The following COP1 variants were observed in gnomAD, a reference collection of about 807,000 sequenced individuals.
COP1 encodes the protein COP1 E3 ubiquitin ligase, also known as E3 ubiquitin-protein ligase COP1.
COP1 carries 24 observed loss-of-function variants against 101.3 expected under a neutral mutation model. The observed-to-expected ratio is 0.24, with a 90% confidence interval of 0.17 to 0.33. The LOEUF (loss-of-function observed/expected upper bound fraction) is 0.33, where lower values mean the gene tolerates loss of function less well. Among genes scored for constraint, COP1 ranks in the 10% least tolerant of loss-of-function variants. The probability of loss-of-function intolerance (pLI) is 1.00; values close to 1 mark genes in which losing one functional copy is unlikely to be tolerated. For missense variants in COP1, 663 were observed against 906.2 expected, an observed-to-expected ratio of 0.73 and a Z score of 3.45; for synonymous variants, 347 against 341.9, an observed-to-expected ratio of 1.01 and a Z score of -0.17.
intron 9 of COP1, among the ~76,000 whole-genome samples, chr1:176,091,096 A>G (rs1368561148): frequency 2.0e-5 from 3 of 152,186 alleles, no homozygotes; most frequent in African/African-American, 7.2e-5. Context: ...ATAATCTTAA[A>G]AAAGTTGAGA....
chr1:176,057,494 C>T (rs1456486343), intron 11 of COP1, among the ~76,000 whole-genome samples: 1 of 152,198 alleles, frequency 6.6e-6, no homozygotes, highest in Non-Finnish European at 1.5e-5. Flanking sequence ...GCCGCCACGC[C>T]TGATTGGTTT....
intron 10 of COP1, among the ~76,000 whole-genome samples, chr1:176,081,673 T>C (rs1679188736): frequency 6.6e-6 from 1 of 152,254 alleles, no homozygotes; most frequent in East Asian, 1.9e-4. Context: ...ACGTGTTTAC[T>C]GGCACACATA....
rs1424736946 is a variant in COP1, at chr1:175,989,481, TA to T, written c.1730-3del. The T allele has an allele frequency of 6.8e-7, 1 of 1,466,898 alleles. No individual in the cohort carries two copies. The highest frequency in any genetic ancestry group is 9.5e-7 in the Non-Finnish European group (1 of 1,048,566). The allele number at this position is 1,466,898 out of a possible 1,614,324, so 90.9% of individuals were successfully genotyped here. ...GATCATAGTAGTGGACACAGTGATC[TA>T]AAACAAAACAAAATTAGATAAATGT... On this transcript the variant is annotated splice_region_variant and splice_polypyrimidine_tract_variant and intron_variant, in intron 15 of 19. Transcript: ENST00000367669.
intron 9 of COP1, among the ~76,000 whole-genome samples, chr1:176,092,828 G>T (rs1341288103): frequency 6.6e-6 from 1 of 152,102 alleles, no homozygotes; most frequent in Admixed American, 6.6e-5. Flanking sequence ...CATACCCAAT[G>T]CCCTTTAATT....
intron 3 of COP1, among the ~76,000 whole-genome samples, chr1:176,165,816 T>C (rs1164943249): frequency 1.3e-5 from 2 of 152,174 alleles, no homozygotes; most frequent in African/African-American, 2.4e-5. Flanking sequence ...CAGAGCCAGA[T>C]TGTGAAGGGC....
intron 11 of COP1, among the ~76,000 whole-genome samples, chr1:176,062,447 C>T (rs1344904551): frequency 2.6e-5 from 4 of 151,848 alleles, no homozygotes; most frequent in Admixed American, 2.6e-4. Flanking sequence ...CATTACATAC[C>T]CATTAATAAA....
chr1:176,021,684 G>C (rs949228775), intron 15 of COP1, among the ~76,000 whole-genome samples: 3 of 152,120 alleles, frequency 2.0e-5, no homozygotes, highest in African/African-American at 7.2e-5. Flanking sequence ...GGAAAGAACT[G>C]AAAAGGCCTA....
At chr1:176,060,367 T>C (rs979753847) in intron 11 of COP1, among the ~76,000 whole-genome samples, 5 of 152,178 alleles carry the variant, frequency 3.3e-5, no homozygotes, top group African/African-American at 9.6e-5. Flanking sequence ...CTTTTGTTCA[T>C]TCAGAACAAC....
intron 3 of COP1, among the ~76,000 whole-genome samples, chr1:176,165,420 G>A (rs1572631914): frequency 1.4e-5 from 2 of 145,234 alleles, no homozygotes; most frequent in East Asian, 2.1e-4. Context: ...GAGATACAAC[G>A]ATTTAAAATC....
chr1:176,158,630 C>CTTTTTTTTTTTT (rs35518162), intron 5 of COP1, among the ~76,000 whole-genome samples: 7 of 79,312 alleles, frequency 8.8e-5, no homozygotes, highest in Non-Finnish European at 1.1e-4. Context: ...TTTTAAGGTT[C>CTTTTTTTTTTTT]TTTTTTTTTT....
At position 176,108,757 on chromosome 1, in the gene COP1, T is replaced by G. The variant is rs536612969; in HGVS notation, c.1026+7867A>C. Among the ~76,000 whole-genome samples the G allele has an allele frequency of 7.2e-5, 11 of 152,204 alleles. No homozygotes were observed. In the South Asian group the frequency reaches 1.0e-3, roughly 14 times the overall value. ...TTCATGTGAGCTGAATGTGTGAATT[T>G]TTGTCTTTTAAAAATATTGATGTCC... On this transcript the variant is annotated intron_variant, in intron 9 of 19. Transcript: ENST00000367669.
At chr1:176,009,877 TG>T (rs5778885) in intron 15 of COP1, among the ~76,000 whole-genome samples, 9,399 of 103,548 alleles carry the variant, frequency 0.091, 540 homozygotes, top group Middle Eastern at 0.19. Context: ...TTAGGTTACT[TG>T]GGGGGGGGGG....
rs531453288 is a variant in COP1 at position 176,051,059 on chromosome 1, T to TA, written c.1278-4736dup. Among the ~76,000 whole-genome samples the TA allele has an allele frequency of 2.6e-4, 39 of 151,754 alleles. No individual in the cohort carries two copies. In the East Asian group the frequency reaches 2.7e-3, roughly 11 times the overall value. On this transcript the variant is annotated intron_variant, in intron 11 of 19. Transcript: ENST00000367669. ...GTGCAACAATTTAAACACAAAGGGA[T>TA]AAAAAAAAGAATAAGGTAGCCTCAC... is the stretch of plus-strand genomic sequence containing the variant.
intron 12 of COP1, among the ~76,000 whole-genome samples, chr1:176,045,254 T>C (rs949361291): frequency 1.3e-5 from 2 of 152,184 alleles, no homozygotes; most frequent in African/African-American, 4.8e-5. Context: ...AACTTGTATC[T>C]AATTCATGTT....
At chr1:175,949,187 A>AAAAAAAAAAAAAAAC (rs1286894015) in intron 18 of COP1, among the ~76,000 whole-genome samples, 1 of 144,818 alleles carries the variant, frequency 6.9e-6, no homozygotes, top group Non-Finnish European at 1.5e-5. Flanking sequence ...AAAAAAAAAA[A>AAAAAAAAAAAAAAAC]AAAAATGAAC....
chr1:176,140,705 T>C (rs987563540), intron 6 of COP1, among the ~76,000 whole-genome samples: 6 of 152,066 alleles, frequency 3.9e-5, no homozygotes, highest in East Asian at 1.9e-4. Context: ...TGAAGAAAAG[T>C]TCAAGAAGCT....
At chr1:176,085,083 T>C (rs1679894994) in intron 10 of COP1, among the ~76,000 whole-genome samples, 2 of 152,162 alleles carry the variant, frequency 1.3e-5, no homozygotes, top group Admixed American at 6.5e-5. Context: ...TTTACAGTAA[T>C]AAAAATATCA....
At chr1:176,184,522 T>C (rs791744) in intron 2 of COP1, 111 bp downstream of exon 2, 632,518 of 769,944 alleles carry the variant, frequency 0.82, 264,456 homozygotes, top group East Asian at 0.94. Flanking sequence ...AAAAAAAATA[T>C]GACTGTAACA....
At chr1:176,003,790 C>T (rs775499484) in intron 15 of COP1, among the ~76,000 whole-genome samples, 384 of 151,102 alleles carry the variant, frequency 2.5e-3, no homozygotes, top group Non-Finnish European at 4.7e-3. Context: ...AGTGTGATGC[C>T]TCCAGCTTTG....
Sources: gnomAD v4.1 joint callset for allele counts (sites outside exome capture counted in the v4.1 genomes callset) on GRCh38, gnomAD v4.1.1 for gene constraint, MANE v1.5 for transcripts, NCBI Gene and HGNC (gene_info 2026-07-23, HGNC 2026-07-21) for gene names.